The following SERPINB6 variants were observed in gnomAD, a reference collection of about 807,000 sequenced individuals.
The protein encoded by SERPINB6 is serpin B6.
In SERPINB6, 16 loss-of-function variants were observed where a neutral mutation model predicts 26.1. The observed-to-expected ratio is 0.61, with a 90% CI of 0.42 to 0.93. The LOEUF is 0.93. Ranked by LOEUF, SERPINB6 falls within the 40% of genes least tolerant of loss-of-function variation. The pLI is 0.00. For missense variants in SERPINB6, 420 were observed against 478.0 expected (o/e 0.88, Z 1.13); for synonymous variants, 174 against 176.6 (o/e 0.99, Z 0.11).
chr6:2,967,606 A>G lies in SERPINB6; in HGVS notation c.-11+3927T>C, dbSNP rs1324024560. On this transcript the variant is annotated intron_variant, in intron 1 of 6. Coordinates refer to ENST00000380539, the MANE Select transcript of SERPINB6 (RefSeq NM_004568.6). This position sits in a 1 kb window ranked among gnomAD's most constrained non-coding sequence, Gnocchi z 4.3. The stretch of plus-strand genomic sequence containing the variant: ...TTAAACAAATTTACAAGAAGAAAAC[A>G]AACAACTCCATTAAAAAGAAGGCAA... 1 of 152,234 alleles carries G rather than the reference A, an allele frequency of 6.6e-6. No individual in the cohort carries two copies. Among genetic ancestry groups the G allele is most frequent in the Non-Finnish European group, 1.5e-5 (1 of 68,040 alleles). The allele number at this position is 152,234 out of a possible 1,614,324, so 9.4% of individuals were successfully genotyped here. A position where few individuals can be genotyped will look rare whatever the true frequency, so the allele number is the denominator to read the frequency against.
intron 2 of SERPINB6, chr6:2,957,920 C>G (rs1770674361): frequency 6.6e-6 from 1 of 152,342 alleles, no homozygotes. Context: ...CACCCTGCAC[C>G]CAGGGCTGAG....
At chr6:2,949,115 G>A in intron 5 of SERPINB6, 46 bp from the exon 6 acceptor site, 1 of 1,599,722 alleles carries the variant, frequency 6.3e-7, no homozygotes, top group South Asian at 1.1e-5. Context: ...AGACCCCACT[G>A]ACACATGGGA....
chr6:2,951,551 G>T (rs1244836812), intron 5 of SERPINB6, among the ~76,000 whole-genome samples: 1 of 152,056 alleles, frequency 6.6e-6, no homozygotes, highest in African/African-American at 2.4e-5. Context: ...CTCCAATCTT[G>T]CAATATAAAA....
chr6:2,959,090 C>T (rs573987763), intron 2 of SERPINB6, 78 bp downstream of exon 2: 91 of 1,572,354 alleles, frequency 5.8e-5, no homozygotes, highest in Admixed American at 4.7e-4. Flanking sequence ...CCGTCTCGAG[C>T]GATCCCTTTG....
chr6:2,962,683 A>G (rs1324073407), intron 1 of SERPINB6, among the ~76,000 whole-genome samples: 1 of 152,264 alleles, frequency 6.6e-6, no homozygotes, highest in Non-Finnish European at 1.5e-5. Flanking sequence ...GTAAAATTCT[A>G]TCTATGCCTT....
intron 5 of SERPINB6, 101 bp downstream of exon 5, chr6:2,952,943 G>T: frequency 1.3e-6 from 2 of 1,540,384 alleles, no homozygotes; most frequent in Non-Finnish European, 1.8e-6. Context: ...AAGCAGGAGG[G>T]GCAGGGACAG....
Position 2,967,221 on chromosome 6 carries a change from G to C in SERPINB6, c.-11+4312C>G. 1.0e-6 allele frequency: 1 copy of C among 985,398 alleles called. No homozygotes were observed. The highest frequency in any genetic ancestry group is 1.2e-6 in the Non-Finnish European group (1 of 829,948). 61.0% of individuals were successfully genotyped at this position (985,398 alleles called of 1,614,324 possible). On this transcript the variant is annotated intron_variant, in intron 1 of 6. Transcript: ENST00000380539. The surrounding 1 kb of genome is among the most constrained non-coding windows in gnomAD (Gnocchi z 4.3). ...CCCAGGGCACAACACCCACACACAA[G>C]TTAGAAAGTTCTGCTCTGGAAGACT... is the stretch of plus-strand genomic sequence containing the variant.
intron 2 of SERPINB6, among the ~76,000 whole-genome samples, chr6:2,958,745 A>G (rs1770777528): frequency 1.3e-5 from 2 of 152,148 alleles, no homozygotes. Flanking sequence ...ACAAATAACC[A>G]GAACGCTACT....
intron 5 of SERPINB6, among the ~76,000 whole-genome samples, chr6:2,951,405 A>T (rs1422553145): frequency 1.1e-4 from 17 of 151,382 alleles, no homozygotes; most frequent in Non-Finnish European, 2.1e-4. Flanking sequence ...TAAAAAATAA[A>T]AAAAAAAAAT....
intron 2 of SERPINB6, chr6:2,957,576 T>C (rs187983991): frequency 3.3e-5 from 5 of 152,356 alleles, no homozygotes; most frequent in Admixed American, 3.3e-4. Flanking sequence ...GCACCCTGAC[T>C]CCCAACCCAA....
At chr6:2,954,165 G>A (rs982818815) in intron 4 of SERPINB6, among the ~76,000 whole-genome samples, 1 of 151,418 alleles carries the variant, frequency 6.6e-6, no homozygotes, top group East Asian at 1.9e-4. Context: ...AGATAGACCA[G>A]GGCGTGACCC....
At chr6:2,961,265 C>T (rs1169389779) in intron 1 of SERPINB6, 1 of 152,204 alleles carries the variant, frequency 6.6e-6, no homozygotes, top group African/African-American at 2.4e-5. Flanking sequence ...ATACTTGGGG[C>T]ACTGGGCACT....
rs765973715 is a variant in SERPINB6 at position 2,953,055 on chromosome 6, T to G, written c.562A>C (p.Lys188Gln). Residue 188 changes from lysine to glutamine, a missense_variant, in exon 5 of 7, where the codon AAA (lysine) becomes CAA (glutamine). Coordinates refer to ENST00000380539, the MANE Select transcript of SERPINB6 (RefSeq NM_004568.6). ...DKENTEERLF[K>Q]VSKNEEKPVQ... is the part of the protein sequence containing the mutation. ...GGCCCCTTACTCGCCTTGCTGACTT[T>G]AAACAGTCTCTCCTCGGTGTTCTCC... 6 of 1,614,102 alleles carry G rather than the reference T, an allele frequency of 3.7e-6. No individual in the cohort carries two copies. Among genetic ancestry groups the G allele is most frequent in the Non-Finnish European group, 5.1e-6 (6 of 1,180,058 alleles).
rs896017797 is a variant in SERPINB6, at chr6:2,967,165, A to T, written c.-11+4368T>A. 5 of 985,132 alleles carry T rather than the reference A, an allele frequency of 5.1e-6. No individual in the cohort carries two copies. The highest frequency in any genetic ancestry group is 1.7e-5 in the African/African-American group (1 of 57,154). The allele number at this position is 985,132 out of a possible 1,614,324, so 61.0% of individuals were successfully genotyped here. On this transcript the variant is annotated intron_variant, in intron 1 of 6. Coordinates refer to ENST00000380539, the MANE Select transcript of SERPINB6 (RefSeq NM_004568.6). This position sits in a 1 kb window ranked among gnomAD's most constrained non-coding sequence, Gnocchi z 4.3. Reference sequence around the variant, plus strand: ...CCAGTGCAGAGCTCCAGCCACCCAGACTCCTCGAGTTGGAGGGATCTGTTA... The same window carrying T: ...CCAGTGCAGAGCTCCAGCCACCCAGTCTCCTCGAGTTGGAGGGATCTGTTA...
At chr6:2,959,803 A>T (rs1770896667) in intron 1 of SERPINB6, 1 of 212,708 alleles carries the variant, frequency 4.7e-6, no homozygotes, top group Admixed American at 5.3e-5. Flanking sequence ...TTTTATAATG[A>T]GAGAGAGAAT....
At chr6:2,956,357 G>A (rs1770479081) in intron 2 of SERPINB6, 1 of 152,958 alleles carries the variant, frequency 6.5e-6, no homozygotes, top group African/African-American at 2.4e-5. Context: ...GAATTCAGTA[G>A]AAGTGATGCT....
chr6:2,969,386 AAT>A (rs1771925388), intron 1 of SERPINB6: 21 of 958,660 alleles, frequency 2.2e-5, no homozygotes, highest in Non-Finnish European at 2.6e-5. Context: ...TACATAGACA[AAT>A]ATTTATGCAA....
At chr6:2,962,341 C>G (rs889118378) in intron 1 of SERPINB6, among the ~76,000 whole-genome samples, 1 of 152,186 alleles carries the variant, frequency 6.6e-6, no homozygotes, top group Non-Finnish European at 1.5e-5. Flanking sequence ...ATGAGTTTTA[C>G]TGTGTCAGGG....
chr6:2,950,426 G>A (rs1368862352), intron 5 of SERPINB6, among the ~76,000 whole-genome samples: 1 of 151,558 alleles, frequency 6.6e-6, no homozygotes, highest in Non-Finnish European at 1.5e-5. Context: ...CCAGCTACTC[G>A]GGAGGCTGAG....
Sources: gnomAD v4.1 joint callset for allele counts (sites outside exome capture counted in the v4.1 genomes callset) on GRCh38, gnomAD v4.1.1 for gene constraint, Gnocchi (gnomAD v3.1) non-coding constraint, MANE v1.5 for transcripts, NCBI Gene and HGNC (gene_info 2026-07-23, HGNC 2026-07-21) for gene names.